The following DHX32 variants were observed in gnomAD, a reference collection of about 807,000 sequenced individuals.
The protein encoded by DHX32 is DEAH-box helicase 32 (putative), also known as putative pre-mRNA-splicing factor ATP-dependent RNA helicase DHX32.
In DHX32, 51 loss-of-function variants were observed where a neutral mutation model predicts 70.0. The ratio of observed to expected loss-of-function variants is 0.73; its 90% CI spans 0.58 to 0.92. DHX32 has a LOEUF of 0.92. Among genes scored for constraint, DHX32 ranks in the 40% least tolerant of loss-of-function variants. The pLI, the probability that DHX32 is intolerant of heterozygous loss-of-function variation, is 0.00. For missense variants in DHX32, 762 were observed against 891.8 expected (o/e 0.85, Z 1.85); for synonymous variants, 310 against 315.3 (o/e 0.98, Z 0.18).
intron 1 of DHX32, among the ~76,000 whole-genome samples, chr10:125,886,640 C>T (rs1429200008): frequency 6.6e-6 from 1 of 152,310 alleles, no homozygotes; most frequent in Non-Finnish European, 1.5e-5. Context: ...CTTTAAGACT[C>T]ACAAACCCAC....
At chr10:125,842,948 T>C (rs1854922126) in intron 6 of DHX32, 1 of 249,538 alleles carries the variant, frequency 4.0e-6, no homozygotes, top group Non-Finnish European at 6.4e-6. Flanking sequence ...AGGCTATATA[T>C]AGATTGGTGC....
intron 4 of DHX32, chr10:125,853,269 A>C: frequency 9.7e-5 from 142 of 1,465,422 alleles, no homozygotes; most frequent in Non-Finnish European, 1.1e-4. Flanking sequence ...TAGGAGGCTC[A>C]TAGTCTCCTG....
At chr10:125,847,872 G>A (rs990030124) in intron 6 of DHX32, among the ~76,000 whole-genome samples, 4 of 152,028 alleles carry the variant, frequency 2.6e-5, no homozygotes, top group South Asian at 2.1e-4. Context: ...GAGCTCCTAC[G>A]AGAATCCAGT....
intron 1 of DHX32, among the ~76,000 whole-genome samples, chr10:125,872,278 G>A (rs1944260559): frequency 6.6e-6 from 1 of 152,098 alleles, no homozygotes; most frequent in Non-Finnish European, 1.5e-5. Flanking sequence ...GTTCCTCTTT[G>A]GAAGATATTC....
At chr10:125,877,072 T>G (rs1028306257) in intron 1 of DHX32, among the ~76,000 whole-genome samples, 2 of 152,222 alleles carry the variant, frequency 1.3e-5, no homozygotes, top group African/African-American at 4.8e-5. Flanking sequence ...AGATAAAGTT[T>G]ATATGGTAAA....
chr10:125,879,351 CTT>C (rs775559633), intron 1 of DHX32, among the ~76,000 whole-genome samples: 302 of 152,172 alleles, frequency 2.0e-3, no homozygotes, highest in African/African-American at 7.0e-3. Context: ...AACAAACAAA[CTT>C]TAATTGAGAG....
intron 1 of DHX32, among the ~76,000 whole-genome samples, chr10:125,893,587 A>G (rs1347258242): frequency 6.6e-6 from 1 of 152,232 alleles, no homozygotes; most frequent in Non-Finnish European, 1.5e-5. Flanking sequence ...AGAGATAGAC[A>G]TTCCATTTGA....
intron 6 of DHX32, among the ~76,000 whole-genome samples, chr10:125,848,165 A>C (rs2134037935): frequency 6.6e-6 from 1 of 152,286 alleles, no homozygotes; most frequent in South Asian, 2.1e-4. Flanking sequence ...ACAGGGGGAG[A>C]AACTGAAGAA....
chr10:125,849,246 C>T (rs138762285), intron 6 of DHX32, among the ~76,000 whole-genome samples: 98 of 152,258 alleles, frequency 6.4e-4, no homozygotes, highest in African/African-American at 2.0e-3. Context: ...GCCATCTTTC[C>T]GCCTGCACTG....
At chr10:125,884,831 T>A (rs142899287), upstream of DHX32, among the ~76,000 whole-genome samples, 2 of 152,184 alleles carry the variant, frequency 1.3e-5, no homozygotes, top group African/African-American at 4.8e-5. Context: ...TGCTTACTTT[T>A]CATGTATCAA....
intron 1 of DHX32, among the ~76,000 whole-genome samples, chr10:125,871,267 A>AGGG: frequency 6.6e-6 from 1 of 152,336 alleles, no homozygotes; most frequent in South Asian, 2.1e-4. Flanking sequence ...CTTCCTCTAC[A>AGGG]TTAGAGCAAA....
intron 6 of DHX32, among the ~76,000 whole-genome samples, chr10:125,851,920 CAAAAA>C (rs56380138): frequency 4.6e-5 from 4 of 86,786 alleles, no homozygotes; most frequent in Admixed American, 1.4e-4. Context: ...GACCCTGTCT[CAAAAA>C]AAAAAAAAAA....
intron 1 of DHX32, among the ~76,000 whole-genome samples, chr10:125,888,149 T>A (rs1944350022): frequency 6.6e-6 from 1 of 152,170 alleles, no homozygotes; most frequent in Non-Finnish European, 1.5e-5. Context: ...TTAAAAATTA[T>A]TATGTTTATA....
chr10:125,849,570 C>T lies in DHX32; in HGVS notation c.1351+2723G>A, dbSNP rs73381247. Among the ~76,000 whole-genome samples, 732 of 152,262 alleles carry T rather than the reference C, an allele frequency of 4.8e-3. 8 individuals are homozygous for T. The highest frequency in any genetic ancestry group is 0.016 in the African/African-American group (666 of 41,548). ...ATTAACTTAAAAACCTAGGCTGTGG[C>T]CTCCTGACAGTCATGCTAGAATATT... is the stretch of plus-strand genomic sequence containing the variant. On this transcript the variant is annotated intron_variant, in intron 6 of 10. Transcript: ENST00000284690.
chr10:125,870,069 T>A (rs1040822138), intron 1 of DHX32, among the ~76,000 whole-genome samples: 2 of 151,998 alleles, frequency 1.3e-5, no homozygotes, highest in African/African-American at 4.8e-5. Flanking sequence ...AACAGGAAAT[T>A]GGAAAGTAAA....
chr10:125,862,680 A>G (rs1345023511), intron 2 of DHX32, among the ~76,000 whole-genome samples: 1 of 152,146 alleles, frequency 6.6e-6, no homozygotes, highest in East Asian at 1.9e-4. Context: ...TATATAAGGG[A>G]ATTGTGAAGG....
chr10:125,841,726 A>G lies in DHX32; in HGVS notation c.1543+17T>C, dbSNP rs765477262. ...GCAGATTTGCAAAAAAAGAAAAGGA[A>G]TAGTCATTAAGGATACCTGTTACCA... On this transcript the variant is annotated intron_variant, in intron 7 of 10. Transcript: ENST00000284690. 6.3e-7 allele frequency: 1 copy of G among 1,596,118 alleles called. No homozygotes were observed. The highest frequency in any genetic ancestry group is 8.5e-7 in the Non-Finnish European group (1 of 1,176,250).
intron 1 of DHX32, among the ~76,000 whole-genome samples, chr10:125,889,892 G>T (rs1944359800): frequency 6.6e-6 from 1 of 152,310 alleles, no homozygotes; most frequent in African/African-American, 2.4e-5. Context: ...TTCAAATGAG[G>T]AAATGTAAAC....
intron 7 of DHX32, 67 bp downstream of exon 7, chr10:125,841,676 G>A (rs1854882686): frequency 1.7e-5 from 26 of 1,558,422 alleles, no homozygotes; most frequent in South Asian, 1.0e-4. Flanking sequence ...ATTTCAAATG[G>A]ATCCGATCTA....
Sources: allele counts gnomAD v4.1 joint callset (sites outside exome capture counted in the v4.1 genomes callset), GRCh38; gene constraint gnomAD v4.1.1; transcripts MANE v1.5; gene names NCBI Gene and HGNC (gene_info 2026-07-23, HGNC 2026-07-21).